Variants in AK4 observed in about 807,000 individuals in gnomAD.
The protein encoded by AK4 is adenylate kinase 4, also known as adenylate kinase 4, mitochondrial.
A neutral mutation model predicts 24.6 loss-of-function variants in AK4; 13 were observed. The observed-to-expected ratio is 0.53, with a 90% CI of 0.34 to 0.84. The LOEUF (loss-of-function observed/expected upper bound fraction) is 0.84. AK4 is among the 40% of genes least tolerant of loss of function. The pLI, the probability that AK4 is intolerant of heterozygous loss-of-function variation, is 0.01. For missense variants in AK4, 192 were observed against 288.2 expected, an observed-to-expected ratio of 0.67 and a Z score of 2.42; for synonymous variants, 88 against 107.0, an observed-to-expected ratio of 0.82 and a Z score of 1.10.
At chr1:65,148,884 G>A (rs911215245) in intron 1 of AK4, 2 of 200,742 alleles carry the variant, frequency 1.0e-5, no homozygotes, top group Admixed American at 6.1e-5. Context: ...CCCTCCTTAA[G>A]GCAGAGCCGT....
chr1:65,226,746 C>T lies in AK4; in HGVS notation c.*569C>T, dbSNP rs1652473305. On this transcript the variant is annotated 3_prime_UTR_variant, in exon 5 of 5. Coordinates refer to ENST00000327299, the MANE Select transcript of AK4 (RefSeq NM_013410.4). Reference sequence around the variant, plus strand: ...TTTTCCGGTAGGAATAACTCCTTTTCTACATCCACGCTCCATAGAGTCTCT... The same window carrying T: ...TTTTCCGGTAGGAATAACTCCTTTTTTACATCCACGCTCCATAGAGTCTCT... 1 of 151,906 alleles carries T rather than the reference C, an allele frequency of 6.6e-6. No individual in the cohort carries two copies. The highest frequency in any genetic ancestry group is 1.5e-5 in the Non-Finnish European group (1 of 68,000). 9.4% of individuals were successfully genotyped at this position (151,906 alleles called of 1,614,324 possible). A position where few individuals can be genotyped will look rare whatever the true frequency, so the allele number is the denominator to read the frequency against.
chr1:65,166,908 G>A (rs528804340), intron 1 of AK4, among the ~76,000 whole-genome samples: 27 of 152,352 alleles, frequency 1.8e-4, no homozygotes, highest in African/African-American at 6.5e-4. Flanking sequence ...AAGGCGGGCG[G>A]ATCACTTGAG....
intron 1 of AK4, among the ~76,000 whole-genome samples, chr1:65,187,980 C>T (rs1351696619): frequency 6.6e-6 from 1 of 152,180 alleles, no homozygotes; most frequent in Non-Finnish European, 1.5e-5. Flanking sequence ...TTTTGAGCTA[C>T]TTGTCTAGTG....
rs200456696 is a variant in AK4 at position 65,181,501 on chromosome 1, C to T, written c.146-9209C>T. Among the ~76,000 whole-genome samples, 8 of 152,022 alleles carry T rather than the reference C, an allele frequency of 5.3e-5. No individual in the cohort carries two copies. The South Asian group carries it at 1.0e-3, about 20-fold the overall frequency. ...TACCTCCGCCTCCCAGGTTCAAGGC[C>T]TCAGCCTCCCAAGTAGCTGGGACTA... On this transcript the variant is annotated intron_variant, in intron 1 of 4. Coordinates refer to ENST00000327299, the MANE Select transcript of AK4 (RefSeq NM_013410.4).
chr1:65,198,839 G>A (rs568161305), intron 2 of AK4, among the ~76,000 whole-genome samples: 1 of 152,124 alleles, frequency 6.6e-6, no homozygotes, highest in Non-Finnish European at 1.5e-5. Context: ...CAGTTTGGGA[G>A]ACAGAGGCAG....
intron 2 of AK4, among the ~76,000 whole-genome samples, chr1:65,215,735 G>T (rs1347922246): frequency 1.3e-5 from 2 of 152,190 alleles, no homozygotes; most frequent in Non-Finnish European, 2.9e-5. Flanking sequence ...TGTACACTTT[G>T]CATTTTACTC....
intron 1 of AK4, among the ~76,000 whole-genome samples, chr1:65,178,033 G>C (rs1650775885): frequency 6.6e-6 from 1 of 152,122 alleles, no homozygotes; most frequent in African/African-American, 2.4e-5. Context: ...TGGCTGTCAG[G>C]GGTGAACGAT....
In AK4 at chr1:65,154,592, C is replaced by T. The variant is rs548454786; in HGVS notation, c.145+6040C>T. 2.3e-5 allele frequency: 12 copies of T among 512,624 alleles called. No homozygotes were observed. The East Asian group carries it at 3.2e-4, about 14-fold the overall frequency. 31.8% of individuals were successfully genotyped at this position (512,624 alleles called of 1,614,324 possible). ...CTGATCCAGAAATGTGGCCTCAATACGTGCTGCCAGTGTTTCCGTCAGTAC... is the reference window on the plus strand; with the variant it reads ...CTGATCCAGAAATGTGGCCTCAATATGTGCTGCCAGTGTTTCCGTCAGTAC... On this transcript the variant is annotated intron_variant, in intron 1 of 4. Coordinates refer to ENST00000327299, the MANE Select transcript of AK4 (RefSeq NM_013410.4).
chr1:65,152,374 ATATATATATATTTTTTT>A (rs1557434459), intron 1 of AK4, among the ~76,000 whole-genome samples: 2 of 69,004 alleles, frequency 2.9e-5, no homozygotes, highest in East Asian at 3.7e-4. Flanking sequence ...ATATATATAT[ATATATATATATTTTTTT>A]TTTTTTTTTT....
intron 1 of AK4, among the ~76,000 whole-genome samples, chr1:65,159,298 G>C (rs1270498360): frequency 1.3e-5 from 2 of 152,198 alleles, no homozygotes; most frequent in Non-Finnish European, 2.9e-5. Flanking sequence ...TTCCCACACA[G>C]ATCTCCAGAG....
At chr1:65,225,675 T>C (rs956141161) in intron 4 of AK4, among the ~76,000 whole-genome samples, 4 of 152,234 alleles carry the variant, frequency 2.6e-5, no homozygotes, top group Non-Finnish European at 5.9e-5. Flanking sequence ...ATCAGAGTTT[T>C]ATGATCATAT....
intron 2 of AK4, among the ~76,000 whole-genome samples, chr1:65,204,357 G>A (rs1557461743): frequency 6.6e-6 from 1 of 151,976 alleles, no homozygotes; most frequent in Non-Finnish European, 1.5e-5. Context: ...GCACCACCGT[G>A]ACTGGCTAAT....
intron 1 of AK4, among the ~76,000 whole-genome samples, chr1:65,151,452 G>A (rs570958060): frequency 2.0e-5 from 3 of 152,174 alleles, no homozygotes; most frequent in African/African-American, 4.8e-5. Flanking sequence ...ATAGATAGGG[G>A]TTTTGCTTTA....
intron 1 of AK4, among the ~76,000 whole-genome samples, chr1:65,168,040 T>C (rs1327847187): frequency 1.3e-5 from 2 of 152,202 alleles, no homozygotes; most frequent in African/African-American, 4.8e-5. Flanking sequence ...TTTCTAATTC[T>C]TTTTCAGCCT....
intron 2 of AK4, among the ~76,000 whole-genome samples, chr1:65,207,896 G>A (rs1243945908): frequency 6.6e-6 from 1 of 152,120 alleles, no homozygotes; most frequent in African/African-American, 2.4e-5. Context: ...CGGCTGCATA[G>A]TATTCCATGG....
At chr1:65,171,080 C>T (rs1221538808) in intron 1 of AK4, among the ~76,000 whole-genome samples, 1 of 150,404 alleles carries the variant, frequency 6.6e-6, no homozygotes, top group Non-Finnish European at 1.5e-5. Flanking sequence ...CTCAGCCTCC[C>T]GAGTAGCTCG....
intron 4 of AK4, 68 bp from the exon 5 acceptor site, chr1:65,225,995 G>T: frequency 6.6e-7 from 1 of 1,508,320 alleles, no homozygotes. Context: ...TTTATATCTA[G>T]GATCTTCTGC....
intron 1 of AK4, among the ~76,000 whole-genome samples, chr1:65,153,178 A>G (rs1452708779): frequency 2.0e-5 from 3 of 152,306 alleles, no homozygotes; most frequent in South Asian, 4.1e-4. Context: ...TTTGAAGAAC[A>G]CTATTTGTGA....
At chr1:65,221,692 A>G (rs1349904940) in intron 3 of AK4, among the ~76,000 whole-genome samples, 1 of 152,262 alleles carries the variant, frequency 6.6e-6, no homozygotes, top group African/African-American at 2.4e-5. Context: ...CTGAAGTCCA[A>G]CACAGACGCT....
Sources: allele counts gnomAD v4.1 joint callset (sites outside exome capture counted in the v4.1 genomes callset), GRCh38; gene constraint gnomAD v4.1.1; transcripts MANE v1.5; gene names NCBI Gene and HGNC (gene_info 2026-07-23, HGNC 2026-07-21).